PASD1: variants seen among roughly 807,000 people sequenced by gnomAD.
PASD1 encodes circadian clock protein PASD1.
PASD1 carries 13 observed loss-of-function variants against 58.8 expected under a neutral mutation model. The observed-to-expected ratio is 0.22, with a 90% CI of 0.14 to 0.35. The LOEUF is 0.35. PASD1 is among the 10% of genes least tolerant of loss of function. PASD1 has a pLI of 1.00. For missense variants in PASD1, 734 were observed against 568.3 expected, an observed-to-expected ratio of 1.29 and a Z score of -2.96; for synonymous variants, 236 against 216.7, an observed-to-expected ratio of 1.09 and a Z score of -0.78.
intron 1 of PASD1, among the ~76,000 whole-genome samples, chrX:151,575,554 T>A (rs2012991233): frequency 8.9e-6 from 1 of 112,355 alleles, no homozygotes; most frequent in South Asian, 3.7e-4. Flanking sequence ...CCTTTTTATA[T>A]TTTACTATGT....
intron 1 of PASD1, among the ~76,000 whole-genome samples, chrX:151,572,500 G>A (rs2012941044): frequency 8.9e-6 from 1 of 111,901 alleles, no homozygotes; most frequent in African/African-American, 3.2e-5. Flanking sequence ...AATACGGACT[G>A]GGAGTGGCCT....
At chrX:151,609,382 A>G (rs2013524381) in intron 3 of PASD1, among the ~76,000 whole-genome samples, 1 of 111,886 alleles carries the variant, frequency 8.9e-6, no homozygotes, top group South Asian at 3.7e-4. Context: ...GTACATTCAC[A>G]TTATTGTGCA....
chrX:151,667,083 G>C (rs1218715869), intron 11 of PASD1, among the ~76,000 whole-genome samples: 5 of 111,420 alleles, frequency 4.5e-5, no homozygotes, highest in Non-Finnish European at 7.5e-5. Context: ...TATTCTAACT[G>C]GTGTGAGATG....
intron 9 of PASD1, among the ~76,000 whole-genome samples, chrX:151,654,615 G>A (rs1034650409): frequency 1.8e-5 from 2 of 112,268 alleles, no homozygotes; most frequent in African/African-American, 3.2e-5. Context: ...AACAATGTCA[G>A]CTACTGCTGA....
intron 9 of PASD1, among the ~76,000 whole-genome samples, chrX:151,651,269 G>A (rs2014125719): frequency 1.8e-5 from 2 of 112,074 alleles, no homozygotes; most frequent in Non-Finnish European, 3.8e-5. Flanking sequence ...TTAATGATGA[G>A]TGTAGGTGAC....
chrX:151,566,788 C>T (rs1032237986), intron 1 of PASD1, among the ~76,000 whole-genome samples: 6 of 110,943 alleles, frequency 5.4e-5, no homozygotes, highest in Admixed American at 9.7e-5. Flanking sequence ...AGATTTTGTC[C>T]GGACGCGGTG....
chrX:151,657,414 G>A (rs1357464665), intron 9 of PASD1, among the ~76,000 whole-genome samples: 1 of 111,682 alleles, frequency 9.0e-6, no homozygotes, highest in Admixed American at 9.5e-5. Flanking sequence ...CTATTGATTG[G>A]AATAGTTTCA....
At chrX:151,635,031 G>A (rs945607198) in intron 8 of PASD1, among the ~76,000 whole-genome samples, 2 of 111,339 alleles carry the variant, frequency 1.8e-5, no homozygotes, top group East Asian at 2.8e-4. Context: ...TAATTGAATC[G>A]TTATTTATTT....
chrX:151,627,529 A>G (rs1411489111), intron 8 of PASD1, among the ~76,000 whole-genome samples: 1 of 111,816 alleles, frequency 8.9e-6, no homozygotes, highest in Non-Finnish European at 1.9e-5. Flanking sequence ...TACAAAGGAC[A>G]TGAACACATC....
chrX:151,670,307 A>G (rs12689829), intron 11 of PASD1, among the ~76,000 whole-genome samples: 15,003 of 111,658 alleles, frequency 0.13, 884 homozygotes, highest in Admixed American at 0.23. Flanking sequence ...CAGCAGTGCC[A>G]GGTGACTGAT....
chrX:151,666,005 A>T (rs916713528), intron 11 of PASD1, among the ~76,000 whole-genome samples: 2 of 109,753 alleles, frequency 1.8e-5, no homozygotes, highest in African/African-American at 6.6e-5. Flanking sequence ...TGGACTAAAA[A>T]TACATATATA....
intron 8 of PASD1, among the ~76,000 whole-genome samples, chrX:151,641,941 C>A (rs770493801): frequency 2.1e-4 from 24 of 112,292 alleles, no homozygotes; most frequent in Non-Finnish European, 4.5e-4. Flanking sequence ...AAATAGCACA[C>A]TCCTTCCATT....
At chrX:151,644,997 G>T (rs1207197842) in intron 8 of PASD1, among the ~76,000 whole-genome samples, 1 of 110,933 alleles carries the variant, frequency 9.0e-6, no homozygotes, top group African/African-American at 3.3e-5. Context: ...GTGGGCTTTG[G>T]AGCTGCTAGT....
chrX:151,598,771 C>T (rs2013355486), intron 1 of PASD1, among the ~76,000 whole-genome samples: 1 of 111,573 alleles, frequency 9.0e-6, no homozygotes, highest in Non-Finnish European at 1.9e-5. Flanking sequence ...TTGGGGGATT[C>T]ATACTGTTGG....
At position 151,664,155 on chromosome X, in the gene PASD1, T is replaced by A. The variant is rs1233432799; in HGVS notation, c.878T>A (p.Val293Glu). Residue 293 changes from valine (V) to glutamate (E), a missense_variant, in exon 11 of 16, where the codon GTG (valine) becomes GAG (glutamate). Coordinates refer to ENST00000370357, the MANE Select transcript of PASD1 (RefSeq NM_173493.3). ...CAAGACTTTCGAGGTGAGCCTGAGG[T>A]GAATCCATTGTACAGGGCAGACCCA... is the stretch of plus-strand genomic sequence containing the variant. ...SLQDFRGEPEVNPLYRADPVD... is the reference protein window; with the variant it reads ...SLQDFRGEPEENPLYRADPVD... The A allele has an allele frequency of 8.3e-7, 1 of 1,210,941 alleles. No homozygotes were observed. The highest frequency in any genetic ancestry group is 1.7e-5 in the African/African-American group (1 of 57,486).
At chrX:151,565,217 A>C (rs1336231282) in intron 1 of PASD1, among the ~76,000 whole-genome samples, 4 of 112,288 alleles carry the variant, frequency 3.6e-5, no homozygotes, top group African/African-American at 1.3e-4. Flanking sequence ...TAGAACAGAG[A>C]GTACTGAGGG....
intron 10 of PASD1, among the ~76,000 whole-genome samples, chrX:151,661,419 G>T (rs1036119050): frequency 8.9e-6 from 1 of 112,020 alleles, no homozygotes. Context: ...GCCTAATCCA[G>T]ATGTTTCTCT....
At chrX:151,655,205 A>G (rs979686199) in intron 9 of PASD1, among the ~76,000 whole-genome samples, 12 of 111,072 alleles carry the variant, frequency 1.1e-4, no homozygotes, top group Non-Finnish European at 1.9e-4. Flanking sequence ...ATGGCTGCAT[A>G]GTATTCCCTG....
chrX:151,573,253 C>T (rs2012953339), intron 1 of PASD1, among the ~76,000 whole-genome samples: 1 of 110,679 alleles, frequency 9.0e-6, no homozygotes, highest in East Asian at 2.9e-4. Context: ...CCCCCAACCT[C>T]GGGGATTACA....
Sources: gnomAD v4.1 joint callset for allele counts (sites outside exome capture counted in the v4.1 genomes callset) on GRCh38, gnomAD v4.1.1 for gene constraint, MANE v1.5 for transcripts, NCBI Gene and HGNC (gene_info 2026-07-23, HGNC 2026-07-21) for gene names.